KIAA0825: variants seen among roughly 807,000 people sequenced by gnomAD.
The protein encoded by KIAA0825 is uncharacterized protein KIAA0825.
In KIAA0825, 119 loss-of-function variants were observed where a neutral mutation model predicts 147.6. That is an observed-to-expected ratio of 0.81 (90% CI 0.69 to 0.94). KIAA0825 has a LOEUF of 0.94. Among genes scored for constraint, KIAA0825 ranks in the 40% least tolerant of loss-of-function variants. The pLI is 0.00. For synonymous variants in KIAA0825, 470 were observed against 518.1 expected (o/e 0.91, Z 1.26); for missense variants, 1,381 against 1,472.7 (o/e 0.94, Z 1.02).
rs542434969 is a variant in KIAA0825 at position 94,511,920 on chromosome 5, C to T, written c.970+8328G>A. Among the ~76,000 whole-genome samples, 10 of 151,688 alleles carry T rather than the reference C, an allele frequency of 6.6e-5. No homozygotes were observed. The South Asian group carries it at 1.2e-3, about 19-fold the overall frequency. On this transcript the variant is annotated intron_variant, in intron 5 of 20. Transcript: ENST00000682413. ...AGGAGAATTGCTTGAACCCAGGAGG[C>T]GGAGGTTGCAGTGAGCTGAGATTGC...
intron 5 of KIAA0825, among the ~76,000 whole-genome samples, chr5:94,517,251 T>A (rs1023363629): frequency 3.3e-5 from 5 of 152,210 alleles, no homozygotes; most frequent in African/African-American, 9.6e-5. Flanking sequence ...TGGCTTACTA[T>A]CTGTGTGGAC....
At chr5:94,552,027 A>C (rs1331579851) in intron 2 of KIAA0825, among the ~76,000 whole-genome samples, 2 of 152,100 alleles carry the variant, frequency 1.3e-5, no homozygotes, top group East Asian at 3.8e-4. Context: ...CCACAAAAAA[A>C]CTACCCTCAT....
intron 3 of KIAA0825, among the ~76,000 whole-genome samples, chr5:94,527,862 G>A (rs879898692): frequency 1.3e-5 from 2 of 151,928 alleles, no homozygotes; most frequent in Non-Finnish European, 2.9e-5. Flanking sequence ...TAATAGGGAA[G>A]AGGGCTGATG....
At chr5:94,469,541 A>C (rs1760965867) in intron 10 of KIAA0825, among the ~76,000 whole-genome samples, 1 of 152,248 alleles carries the variant, frequency 6.6e-6, no homozygotes, top group South Asian at 2.1e-4. Flanking sequence ...TAAAGAATAA[A>C]GCTGCTTAAT....
chr5:94,257,566 T>G (rs1361014454), intron 20 of KIAA0825, among the ~76,000 whole-genome samples: 1 of 152,034 alleles, frequency 6.6e-6, no homozygotes, highest in Non-Finnish European at 1.5e-5. Context: ...TGCAAAAAAT[T>G]GGATTTGAGG....
chr5:94,351,625 T>A (rs1004153159), intron 20 of KIAA0825, among the ~76,000 whole-genome samples: 1 of 152,174 alleles, frequency 6.6e-6, no homozygotes, highest in Admixed American at 6.5e-5. Context: ...AGAGCCTGCA[T>A]AGCCAAAGCA....
chr5:94,502,110 C>T (rs1765164526), intron 5 of KIAA0825, among the ~76,000 whole-genome samples: 1 of 151,990 alleles, frequency 6.6e-6, no homozygotes, highest in African/African-American at 2.4e-5. Flanking sequence ...ACAGGGATTA[C>T]TTTAGGATGG....
chr5:94,473,575 C>T, intron 7 of KIAA0825, 56 bp from the exon 8 acceptor site: 2 of 1,066,316 alleles, frequency 1.9e-6, no homozygotes, highest in South Asian at 1.4e-5. Flanking sequence ...ACAAATGTTT[C>T]TATTGTTATA....
chr5:94,288,347 T>C lies in KIAA0825; in HGVS notation c.3710+96021A>G, dbSNP rs534346777. On this transcript the variant is annotated intron_variant, in intron 20 of 20. Transcript: ENST00000682413. ...TAAAGGTAAAAGTGTTTAAAAACAG[T>C]ATTGGAGCCATTTTTAAGGAAAAAA... Among the ~76,000 whole-genome samples the C allele has an allele frequency of 4.1e-3, 629 of 152,232 alleles. 1 individual carries two copies. The highest frequency in any genetic ancestry group is 6.4e-3 in the Non-Finnish European group (437 of 68,004).
chr5:94,582,183 TAAAG>T (rs1248817953), intron 2 of KIAA0825, among the ~76,000 whole-genome samples: 1 of 152,134 alleles, frequency 6.6e-6, no homozygotes, highest in Non-Finnish European at 1.5e-5. Flanking sequence ...GAAAGGAACA[TAAAG>T]AGAGATGCCG....
chr5:94,531,559 C>T lies in KIAA0825; in HGVS notation c.131+5437G>A, dbSNP rs554659669. 4.6e-5 allele frequency among the ~76,000 whole-genome samples: 7 copies of T among 152,262 alleles called. No individual in the cohort carries two copies. In the South Asian group the frequency reaches 1.4e-3, roughly 32 times the overall value. ...GGATGCTGTCTGCCCAGGATGCATT[C>T]TTAATTCTGGAGAGAACAAGGGTGC... is the stretch of plus-strand genomic sequence containing the variant. On this transcript the variant is annotated intron_variant, in intron 3 of 20. Coordinates refer to ENST00000682413, the MANE Select transcript of KIAA0825 (RefSeq NM_001145678.3).
chr5:94,559,718 T>A (rs1460429960), intron 2 of KIAA0825, among the ~76,000 whole-genome samples: 2 of 152,190 alleles, frequency 1.3e-5, no homozygotes, highest in African/African-American at 4.8e-5. Flanking sequence ...AAATTCAAAG[T>A]CTCTATCTAT....
intron 20 of KIAA0825, among the ~76,000 whole-genome samples, chr5:94,233,139 A>G (rs1018848157): frequency 1.3e-5 from 2 of 152,238 alleles, no homozygotes; most frequent in Non-Finnish European, 2.9e-5. Flanking sequence ...GAGGCAAAAC[A>G]AGGAACATAA....
intron 5 of KIAA0825, among the ~76,000 whole-genome samples, chr5:94,496,848 T>C (rs1764427032): frequency 6.6e-6 from 1 of 152,060 alleles, no homozygotes; most frequent in Admixed American, 6.6e-5. Context: ...TAAATGAAAA[T>C]GCTACATAAA....
At chr5:94,168,241 T>C (rs2149940189) in intron 20 of KIAA0825, among the ~76,000 whole-genome samples, 1 of 152,230 alleles carries the variant, frequency 6.6e-6, no homozygotes, top group Middle Eastern at 3.4e-3. Flanking sequence ...TATATGCAGT[T>C]TATCCAGCTA....
At chr5:94,463,988 A>G (rs1421088117) in intron 11 of KIAA0825, among the ~76,000 whole-genome samples, 1 of 150,478 alleles carries the variant, frequency 6.6e-6, no homozygotes, top group Non-Finnish European at 1.5e-5. Flanking sequence ...TTTATGAAAC[A>G]CTGCAGCAGG....
At chr5:94,247,058 T>C (rs2150113631) in intron 20 of KIAA0825, among the ~76,000 whole-genome samples, 1 of 152,330 alleles carries the variant, frequency 6.6e-6, no homozygotes, top group Non-Finnish European at 1.5e-5. Context: ...AAGTTCATTC[T>C]TGAGGTAGAA....
chr5:94,509,027 A>T (rs1313035583), intron 5 of KIAA0825, among the ~76,000 whole-genome samples: 1 of 152,222 alleles, frequency 6.6e-6, no homozygotes, highest in Non-Finnish European at 1.5e-5. Context: ...CCTGTGACAT[A>T]GCTCTGTCTT....
At chr5:94,570,992 T>C (rs1159381828) in intron 2 of KIAA0825, among the ~76,000 whole-genome samples, 4 of 152,230 alleles carry the variant, frequency 2.6e-5, no homozygotes, top group South Asian at 4.1e-4. Flanking sequence ...CTGTTTACCT[T>C]GTATATGTAT....
Sources: gnomAD v4.1 joint callset for allele counts (sites outside exome capture counted in the v4.1 genomes callset) on GRCh38, gnomAD v4.1.1 for gene constraint, MANE v1.5 for transcripts, NCBI Gene and HGNC (gene_info 2026-07-23, HGNC 2026-07-21) for gene names.